The following LINGO2 variants were observed in gnomAD, a reference collection of about 807,000 sequenced individuals.
LINGO2 encodes leucine rich repeat and Ig domain containing 2, also known as leucine-rich repeat and immunoglobulin-like domain-containing nogo receptor-interacting protein 2.
LINGO2 carries 14 observed loss-of-function variants against 30.6 expected under a neutral mutation model. The ratio of observed to expected loss-of-function variants is 0.46; its 90% confidence interval spans 0.30 to 0.72. The LOEUF (loss-of-function observed/expected upper bound fraction) is 0.72, where lower values mean the gene tolerates loss of function less well. Ranked by LOEUF, LINGO2 falls within the 30% of genes least tolerant of loss-of-function variation. The probability of loss-of-function intolerance (pLI) is 0.07; values close to 1 mark genes in which losing one functional copy is unlikely to be tolerated. For missense variants in LINGO2, 729 were observed against 751.7 expected, an observed-to-expected ratio of 0.97 and a Z score of 0.35; for synonymous variants, 317 against 288.5, an observed-to-expected ratio of 1.10 and a Z score of -1.00.
the LINGO2 span, among the ~76,000 whole-genome samples, chr9:29,015,315 C>A: frequency 6.6e-6 from 1 of 152,116 alleles, no homozygotes; most frequent in Non-Finnish European, 1.5e-5. Context: ...AAAAATAATT[C>A]TTGAAAGTTT....
At chr9:28,114,190 C>T (rs376471721) in intron 4 of LINGO2, among the ~76,000 whole-genome samples, 2 of 72,008 alleles carry the variant, frequency 2.8e-5, no homozygotes, top group African/African-American at 3.6e-5. Flanking sequence ...TTGTCTTTGG[C>T]TCTGTTTATA....
At chr9:28,990,223 G>A in the LINGO2 span, among the ~76,000 whole-genome samples, 2 of 152,212 alleles carry the variant, frequency 1.3e-5, no homozygotes, top group African/African-American at 2.4e-5. Context: ...GGCTCGGAGG[G>A]TCCTACGCCC....
chr9:28,285,656 C>T (rs1326058830), intron 4 of LINGO2, among the ~76,000 whole-genome samples: 2 of 151,994 alleles, frequency 1.3e-5, no homozygotes, highest in Admixed American at 6.6e-5. Context: ...CTGCCTGCCT[C>T]GGCCTCCCAA....
At chr9:28,575,967 C>T (rs1286405408) in intron 1 of LINGO2, among the ~76,000 whole-genome samples, 2 of 151,872 alleles carry the variant, frequency 1.3e-5, no homozygotes, top group African/African-American at 4.8e-5. Flanking sequence ...TATCCCCCCA[C>T]ACAGGGACAG....
At chr9:28,627,662 A>T (rs1266393900) in intron 1 of LINGO2, among the ~76,000 whole-genome samples, 2 of 152,112 alleles carry the variant, frequency 1.3e-5, no homozygotes, top group Non-Finnish European at 2.9e-5. Context: ...TGGCTGTTTA[A>T]GGTAGGGAAA....
At chr9:29,175,761 G>A in the LINGO2 span, among the ~76,000 whole-genome samples, 1 of 151,748 alleles carries the variant, frequency 6.6e-6, no homozygotes, top group Non-Finnish European at 1.5e-5. Context: ...TCCTGACCTC[G>A]TGATCCACCC....
chr9:28,241,233 C>T (rs1272214954), intron 4 of LINGO2, among the ~76,000 whole-genome samples: 2 of 132,328 alleles, frequency 1.5e-5, no homozygotes, highest in Non-Finnish European at 3.1e-5. Context: ...CGTGCCACTG[C>T]ACTCCAGCCT....
At chr9:28,790,325 CTTTTT>C in the LINGO2 span, among the ~76,000 whole-genome samples, 11 of 106,302 alleles carry the variant, frequency 1.0e-4, no homozygotes, top group Admixed American at 9.5e-4. Context: ...TCTTTTCTTT[CTTTTT>C]TTTTTTTTTT....
chr9:28,644,094 A>G lies in LINGO2; in HGVS notation c.-365+26106T>C, dbSNP rs1200909775. Reference sequence around the variant, plus strand: ...TTGTGCACTGTTGGTAGGAGTGTAAATTAGCACAATCACTATGGATAGTTT... The same window carrying G: ...TTGTGCACTGTTGGTAGGAGTGTAAGTTAGCACAATCACTATGGATAGTTT... On this transcript the variant is annotated intron_variant, in intron 1 of 5. Coordinates refer to ENST00000379992, the Ensembl canonical transcript of LINGO2. 2.0e-5 allele frequency among the ~76,000 whole-genome samples: 3 copies of G among 152,122 alleles called. 1 individual carries two copies. Among genetic ancestry groups the G allele is most frequent in the Non-Finnish European group, 4.4e-5 (3 of 67,998 alleles).
intron 4 of LINGO2, among the ~76,000 whole-genome samples, chr9:28,289,027 T>G (rs2134160132): frequency 6.6e-6 from 1 of 152,298 alleles, no homozygotes; most frequent in Non-Finnish European, 1.5e-5. Context: ...AAATCTTTAC[T>G]TTAAAAAATG....
intron 4 of LINGO2, among the ~76,000 whole-genome samples, chr9:28,250,446 G>A (rs1822156093): frequency 6.6e-6 from 1 of 152,160 alleles, no homozygotes; most frequent in Non-Finnish European, 1.5e-5. Flanking sequence ...TTAAGAAGCA[G>A]GCAATACAGG....
At chr9:28,774,550 C>A in the LINGO2 span, among the ~76,000 whole-genome samples, 1 of 151,788 alleles carries the variant, frequency 6.6e-6, no homozygotes, top group African/African-American at 2.4e-5. Flanking sequence ...TGTGATGTCA[C>A]TGATGTGCAT....
intron 1 of LINGO2, among the ~76,000 whole-genome samples, chr9:28,639,392 A>G (rs1194127150): frequency 1.3e-5 from 2 of 151,920 alleles, no homozygotes; most frequent in African/African-American, 2.4e-5. Context: ...TTTCTGTCTC[A>G]TTGATCTGTC....
At chr9:28,122,015 G>T (rs1054739545) in intron 4 of LINGO2, among the ~76,000 whole-genome samples, 25 of 147,364 alleles carry the variant, frequency 1.7e-4, no homozygotes, top group Non-Finnish European at 3.0e-4. Flanking sequence ...TAAGATAAAA[G>T]ATGAATTGAC....
At chr9:28,784,027 G>A in the LINGO2 span, among the ~76,000 whole-genome samples, 1 of 152,174 alleles carries the variant, frequency 6.6e-6, no homozygotes, top group Non-Finnish European at 1.5e-5. Context: ...CCCCACCGCT[G>A]AACACCATCT....
At chr9:28,632,813 CTATATATATTATATAT>C (rs1173320699) in intron 1 of LINGO2, among the ~76,000 whole-genome samples, 1 of 96,406 alleles carries the variant, frequency 1.0e-5, no homozygotes, top group African/African-American at 4.1e-5. Context: ...TATAGATGAT[CTATATATATTATATAT>C]TATATATATA....
intron 2 of LINGO2, among the ~76,000 whole-genome samples, 166 bp downstream of exon 4, chr9:28,475,774 G>A (rs1353705531): frequency 6.6e-6 from 1 of 152,184 alleles, no homozygotes; most frequent in African/African-American, 2.4e-5. Flanking sequence ...ATGTGGTCAA[G>A]TTTCCCATAG....
At chr9:28,883,356 G>A in the LINGO2 span, among the ~76,000 whole-genome samples, 14 of 151,304 alleles carry the variant, frequency 9.3e-5, no homozygotes, top group African/African-American at 3.2e-4. Flanking sequence ...TTAAATTGCT[G>A]TACGTGTTGC....
At chr9:27,939,796 T>C in the LINGO2 span, 1 of 152,238 alleles carries the variant, frequency 6.6e-6, no homozygotes, top group African/African-American at 2.4e-5. Flanking sequence ...ACTTGATCTC[T>C]TGTGCTTGGA....
Sources: gnomAD v4.1 joint callset for allele counts (sites outside exome capture counted in the v4.1 genomes callset) on GRCh38, gnomAD v4.1.1 for gene constraint, MANE v1.5 for transcripts, NCBI Gene and HGNC (gene_info 2026-07-23, HGNC 2026-07-21) for gene names.